Variants in KCNAB2 observed in about 807,000 individuals in gnomAD.
KCNAB2 encodes voltage-gated potassium channel subunit beta-2.
A neutral mutation model predicts 63.6 loss-of-function variants in KCNAB2; 29 were observed. The observed-to-expected ratio is 0.46, with a 90% confidence interval of 0.34 to 0.62. The LOEUF (loss-of-function observed/expected upper bound fraction) is 0.62. KCNAB2 is among the 20% of genes least tolerant of loss of function. The probability of loss-of-function intolerance (pLI) is 0.01; values close to 1 mark genes in which losing one functional copy is unlikely to be tolerated. For synonymous variants in KCNAB2, 222 were observed against 224.2 expected, an observed-to-expected ratio of 0.99 and a Z score of 0.09; for missense variants, 359 against 563.9, an observed-to-expected ratio of 0.64 and a Z score of 3.68.
intron 1 of KCNAB2, 82 bp downstream of exon 1, chr1:6,046,265 G>A (rs998655177): frequency 1.2e-5 from 11 of 918,248 alleles, no homozygotes; most frequent in Non-Finnish European, 1.4e-5. Flanking sequence ...AAATAACAGA[G>A]GAGACCATAT....
At position 6,003,017 on chromosome 1, in the gene KCNAB2, C is replaced by G. The variant is rs1266431253; in HGVS notation, c.-53+10229C>G. 6.6e-6 allele frequency among the ~76,000 whole-genome samples: 1 copy of G among 152,220 alleles called. No homozygotes were observed. Among genetic ancestry groups the G allele is most frequent in the Non-Finnish European group, 1.5e-5 (1 of 68,026 alleles). On this transcript the variant is annotated intron_variant, in intron 1 of 16. Coordinates refer to the KCNAB2 transcript ENST00000341524. This position sits in a 1 kb window ranked among gnomAD's most constrained non-coding sequence, Gnocchi z 4.1. ...TGAGAACAGGTCCTAGACCTTGTCTCAGGTCACACAGCTACCAGAGGACAG... is the reference window on the plus strand; with the variant it reads ...TGAGAACAGGTCCTAGACCTTGTCTGAGGTCACACAGCTACCAGAGGACAG...
At chr1:6,015,024 T>TG (rs1156229250) in intron 1 of KCNAB2, among the ~76,000 whole-genome samples, 46 of 125,336 alleles carry the variant, frequency 3.7e-4, no homozygotes, top group Non-Finnish European at 7.0e-4. Flanking sequence ...TCCTTTTTTT[T>TG]TTTTTTTTTT....
intron 2 of KCNAB2, among the ~76,000 whole-genome samples, chr1:6,072,009 G>A (rs3827724): frequency 0.33 from 50,346 of 152,040 alleles, 10,071 homozygotes; most frequent in African/African-American, 0.56. Context: ...CGGGCATGCC[G>A]GTCCTCAGCA....
chr1:6,057,181 T>A (rs1661910163), intron 2 of KCNAB2, among the ~76,000 whole-genome samples: 1 of 151,494 alleles, frequency 6.6e-6, no homozygotes, highest in South Asian at 2.1e-4. Context: ...CAGATGTGGA[T>A]GGCAGGGAGC....
intron 1 of KCNAB2, among the ~76,000 whole-genome samples, chr1:6,012,858 T>C (rs1162852952): frequency 6.6e-6 from 1 of 151,970 alleles, no homozygotes; most frequent in Non-Finnish European, 1.5e-5. Context: ...TCTGTGCAGG[T>C]GCTCACCCAT....
At chr1:6,033,160 A>G (rs1319317062), upstream of KCNAB2, among the ~76,000 whole-genome samples, 2 of 152,162 alleles carry the variant, frequency 1.3e-5, no homozygotes, top group Admixed American at 6.5e-5. Flanking sequence ...ATTGCTACGC[A>G]CTTTCAAACA....
chr1:6,044,821 T>G (rs1447198592), upstream of KCNAB2, among the ~76,000 whole-genome samples: 1 of 151,538 alleles, frequency 6.6e-6, no homozygotes, highest in Non-Finnish European at 1.5e-5. Flanking sequence ...AATGAAGGGG[T>G]GCAGGGCCTG....
chr1:6,015,591 G>A (rs1056080007), intron 1 of KCNAB2, among the ~76,000 whole-genome samples: 7 of 152,242 alleles, frequency 4.6e-5, no homozygotes, highest in South Asian at 2.1e-4. Context: ...CTGGGGAAGC[G>A]TCCTGTCCGC....
intron 1 of KCNAB2, among the ~76,000 whole-genome samples, chr1:6,009,261 C>T (rs112169136): frequency 2.6e-5 from 4 of 152,356 alleles, no homozygotes; most frequent in African/African-American, 7.2e-5. Context: ...GCAGGAGGCC[C>T]GCCTGGTATG....
At chr1:6,095,871 C>G (rs1415826418) in intron 13 of KCNAB2, among the ~76,000 whole-genome samples, 1 of 138,770 alleles carries the variant, frequency 7.2e-6, no homozygotes, top group South Asian at 2.5e-4. Context: ...ACATCCCCCC[C>G]CCTGCCCCCA....
intron 2 of KCNAB2, among the ~76,000 whole-genome samples, chr1:6,058,612 C>G (rs766134518): frequency 2.6e-5 from 4 of 152,244 alleles, no homozygotes; most frequent in Non-Finnish European, 5.9e-5. Context: ...CCTTCCCACA[C>G]AGCAGTCGCT....
At position 5,994,527 on chromosome 1, in the gene KCNAB2, C is replaced by A. The variant is rs1383512851; in HGVS notation, c.-53+1739C>A. Among the ~76,000 whole-genome samples, 1 of 152,152 alleles carries A rather than the reference C, an allele frequency of 6.6e-6. No individual in the cohort carries two copies. Among genetic ancestry groups the A allele is most frequent in the Non-Finnish European group, 1.5e-5 (1 of 68,004 alleles). Reference sequence around the variant, plus strand: ...GGGCTTCCCTGTTGACACCCAGGGCCATTTTTTTTTTCCCTGCGCCAGTCA... The same window carrying A: ...GGGCTTCCCTGTTGACACCCAGGGCAATTTTTTTTTTCCCTGCGCCAGTCA... On this transcript the variant is annotated intron_variant, in intron 1 of 16. Coordinates refer to the KCNAB2 transcript ENST00000341524. The surrounding 1 kb of genome is among the most constrained non-coding windows in gnomAD (Gnocchi z 5.4).
intron 1 of KCNAB2, among the ~76,000 whole-genome samples, chr1:5,998,593 A>G (rs779734121): frequency 6.6e-6 from 1 of 152,184 alleles, no homozygotes; most frequent in Non-Finnish European, 1.5e-5. Context: ...CAAGACAGAC[A>G]GTAGGGAACC....
intron 6 of KCNAB2, 83 bp downstream of exon 6, chr1:6,085,331 C>A: frequency 7.7e-7 from 1 of 1,290,406 alleles, no homozygotes; most frequent in Non-Finnish European, 1.1e-6. Context: ...GCCTGTCGTG[C>A]AGTGTCGTAA....
rs1487320575 is a variant in KCNAB2 at position 6,073,347 on chromosome 1, G to A, written c.263-386G>A. ...GCCCTGACACCGCCCTCCCCGCTCT[G>A]TCCCAGCAGGAGCACGCAGACGCGG... On this transcript the variant is annotated intron_variant, in intron 3 of 15. Coordinates refer to ENST00000378083, the MANE Select transcript of KCNAB2 (RefSeq NM_001199862.2). This position sits in a 1 kb window ranked among gnomAD's most constrained non-coding sequence, Gnocchi z 5.7. Among the ~76,000 whole-genome samples, 1 of 151,984 alleles carries A rather than the reference G, an allele frequency of 6.6e-6. No individual in the cohort carries two copies. The highest frequency in any genetic ancestry group is 6.6e-5 in the Admixed American group (1 of 15,250).
chr1:6,099,439 A>C lies in KCNAB2; in HGVS notation c.*865A>C, dbSNP rs148974762. On this transcript the variant is annotated 3_prime_UTR_variant, in exon 16 of 16. Transcript: ENST00000378083. ...GTGGGGCAGGCCCCTCTGTCTGGCCACCCCTCTGTCCTGGCCCCGGAAGGC... is the reference window on the plus strand; with the variant it reads ...GTGGGGCAGGCCCCTCTGTCTGGCCCCCCCTCTGTCCTGGCCCCGGAAGGC... 1.6e-4 allele frequency: 33 copies of C among 200,186 alleles called. No individual in the cohort carries two copies. The highest frequency in any genetic ancestry group is 7.3e-4 in the Admixed American group (13 of 17,770). 12.4% of individuals were successfully genotyped at this position (200,186 alleles called of 1,614,324 possible).
In KCNAB2 at chr1:6,097,313, G is replaced by T; in HGVS notation, c.1114G>T (p.Ala372Ser). Residue 372 changes from alanine (A) to serine (S), a missense_variant, in exon 15 of 16, where the codon GCC becomes TCC. Transcript: ENST00000378083. Reference sequence around the variant, plus strand: ...GGGAGTCAGCTCCGTGCTCCTGGGGGCCTCCAATGCGGACCAGCTCATGGA... The same window carrying T: ...GGGAGTCAGCTCCGTGCTCCTGGGGTCCTCCAATGCGGACCAGCTCATGGA... ...NEGVSSVLLG[A>S]SNADQLMENI... 1 of 1,552,572 alleles carries T rather than the reference G, an allele frequency of 6.4e-7. No individual in the cohort carries two copies. The highest frequency in any genetic ancestry group is 8.7e-7 in the Non-Finnish European group (1 of 1,147,412).
intron 1 of KCNAB2, among the ~76,000 whole-genome samples, chr1:6,022,160 G>C (rs1158516908): frequency 6.6e-6 from 1 of 151,868 alleles, no homozygotes; most frequent in Non-Finnish European, 1.5e-5. Flanking sequence ...GTACAGTTCA[G>C]TGGTATTGAG....
In KCNAB2 at chr1:6,100,963, C is replaced by T. The variant is rs1665990987; in HGVS notation, c.*2389C>T. 1 of 152,284 alleles carries T rather than the reference C, an allele frequency of 6.6e-6. No homozygotes were observed. Among genetic ancestry groups the T allele is most frequent in the African/African-American group, 2.4e-5 (1 of 41,468 alleles). 9.4% of individuals were successfully genotyped at this position (152,284 alleles called of 1,614,324 possible). Reference sequence around the variant, plus strand: ...TCAGATCCCAGGTCCCAAGGAGTGACAGGGGCTTCCTCCCACCTTCTGTCC... The same window carrying T: ...TCAGATCCCAGGTCCCAAGGAGTGATAGGGGCTTCCTCCCACCTTCTGTCC... On this transcript the variant is annotated 3_prime_UTR_variant, in exon 16 of 16. Coordinates refer to ENST00000378083, the MANE Select transcript of KCNAB2 (RefSeq NM_001199862.2).
Sources: allele counts gnomAD v4.1 joint callset (sites outside exome capture counted in the v4.1 genomes callset), GRCh38; gene constraint gnomAD v4.1.1; non-coding constraint Gnocchi (gnomAD v3.1); transcripts MANE v1.5; gene names NCBI Gene and HGNC (gene_info 2026-07-23, HGNC 2026-07-21).